SCUBE1: variants seen among roughly 807,000 people sequenced by gnomAD.
The protein encoded by SCUBE1 is signal peptide, CUB domain and EGF like domain containing 1.
In SCUBE1, 59 loss-of-function variants were observed where a neutral mutation model predicts 124.4. The ratio of observed to expected loss-of-function variants is 0.47; its 90% CI spans 0.38 to 0.59. The LOEUF (loss-of-function observed/expected upper bound fraction) is 0.59, where lower values mean the gene tolerates loss of function less well. Among genes scored for constraint, SCUBE1 ranks in the 20% least tolerant of loss-of-function variants. The pLI, the probability that SCUBE1 is intolerant of heterozygous loss-of-function variation, is 0.00. For synonymous variants in SCUBE1, 545 were observed against 550.9 expected, an observed-to-expected ratio of 0.99 and a Z score of 0.15; for missense variants, 1,150 against 1,371.2, an observed-to-expected ratio of 0.84 and a Z score of 2.55.
chr22:43,202,581 C>G lies in SCUBE1; in HGVS notation c.*1416G>C, dbSNP rs1220538567. 6.6e-6 allele frequency: 1 copy of G among 151,576 alleles called. No homozygotes were observed. Among genetic ancestry groups the G allele is most frequent in the Non-Finnish European group, 1.5e-5 (1 of 68,064 alleles). 9.4% of individuals were successfully genotyped at this position (151,576 alleles called of 1,614,324 possible). On this transcript the variant is annotated 3_prime_UTR_variant, in exon 22 of 22. Coordinates refer to ENST00000360835, the MANE Select transcript of SCUBE1 (RefSeq NM_173050.5). ...TGGGACACATGCACTCGGTCACAGC[C>G]CAGACTCTCTTTCTCCCGACATTTC... is the stretch of plus-strand genomic sequence containing the variant.
At position 43,203,225 on chromosome 22, in the gene SCUBE1, C is replaced by G. The variant is rs893968386; in HGVS notation, c.*772G>C. 6.6e-6 allele frequency: 1 copy of G among 152,142 alleles called. No homozygotes were observed. The highest frequency in any genetic ancestry group is 1.5e-5 in the Non-Finnish European group (1 of 68,042). 9.4% of individuals were successfully genotyped at this position (152,142 alleles called of 1,614,324 possible). ...AGAAACAGAAGGGCAAATGCAAATG[C>G]TGGGAGGAGCTGTTTAATCGTTCAG... On this transcript the variant is annotated 3_prime_UTR_variant, in exon 22 of 22. Coordinates refer to ENST00000360835, the MANE Select transcript of SCUBE1 (RefSeq NM_173050.5).
At chr22:43,217,447 G>A (rs66751502) in intron 15 of SCUBE1, among the ~76,000 whole-genome samples, 6 of 151,454 alleles carry the variant, frequency 4.0e-5, no homozygotes, top group Non-Finnish European at 7.4e-5. Context: ...CCTTGGAGTC[G>A]TCCTTGAAGT....
intron 4 of SCUBE1, among the ~76,000 whole-genome samples, chr22:43,279,521 G>C (rs557319475): frequency 2.6e-5 from 4 of 152,250 alleles, no homozygotes; most frequent in Non-Finnish European, 5.9e-5. Context: ...ACCAGACAGT[G>C]AATCTGCCAG....
intron 4 of SCUBE1, among the ~76,000 whole-genome samples, chr22:43,277,304 G>A (rs565018079): frequency 1.1e-4 from 16 of 152,220 alleles, no homozygotes; most frequent in South Asian, 4.1e-4. Context: ...AGGAGCCATG[G>A]GAAGGTCTTG....
rs1218451974 is a variant in SCUBE1 at position 43,255,659 on chromosome 22, G to A, written c.727+2560C>T. ...CGCGGCCCAAGACAGTCAGCCTCTC[G>A]GCGTGGCGCACGCAAAGCCAACACA... On this transcript the variant is annotated intron_variant, in intron 6 of 21. Transcript: ENST00000360835. The surrounding 1 kb of genome is among the most constrained non-coding windows in gnomAD (Gnocchi z 4.7). 14 of 1,231,266 alleles carry A rather than the reference G, an allele frequency of 1.1e-5. No individual in the cohort carries two copies. Among genetic ancestry groups the A allele is most frequent in the South Asian group, 6.4e-5 (5 of 77,742 alleles). The allele number at this position is 1,231,266 out of a possible 1,614,324, so 76.3% of individuals were successfully genotyped here. A position where few individuals can be genotyped will look rare whatever the true frequency, so the allele number is the denominator to read the frequency against.
At position 43,203,410 on chromosome 22, in the gene SCUBE1, A is replaced by T. The variant is rs1052502821; in HGVS notation, c.*587T>A. 5.3e-5 allele frequency: 8 copies of T among 150,246 alleles called. No homozygotes were observed. In the East Asian group the frequency reaches 1.6e-3, roughly 29 times the overall value. 9.3% of individuals were successfully genotyped at this position (150,246 alleles called of 1,614,324 possible). ...TTTATATATATATATAGAGTACTTC[A>T]TTAAATGTTCTGTTGAAGGAATGCA... On this transcript the variant is annotated 3_prime_UTR_variant, in exon 22 of 22. Coordinates refer to ENST00000360835, the MANE Select transcript of SCUBE1 (RefSeq NM_173050.5).
Position 43,319,945 on chromosome 22 carries a change from T to C in SCUBE1, c.341A>G (p.Asn114Ser). The change falls in exon 3 of 22, where the codon AAC becomes AGC. Residue 114 changes from asparagine (N) to serine (S), a missense_variant. Around this residue, in one of 3 missense-constraint regions of SCUBE1, gnomAD observed 337 missense variants for 482.1 expected, o/e 0.70. Coordinates refer to ENST00000360835, the MANE Select transcript of SCUBE1 (RefSeq NM_173050.5). ...DGFMLAHDGHNCLDVDECQDN... is the reference protein window; with the variant it reads ...DGFMLAHDGHSCLDVDECQDN... ...ACAGCTGTATCACTCACCCAGGCAG[T>C]TGTGTCCATCGTGTGCCAGCATGAA... 4 of 1,614,140 alleles carry C rather than the reference T, an allele frequency of 2.5e-6. No homozygotes were observed. The highest frequency in any genetic ancestry group is 2.2e-5 in the East Asian group (1 of 44,882).
intron 4 of SCUBE1, among the ~76,000 whole-genome samples, chr22:43,264,953 G>A (rs1429310155): frequency 2.0e-5 from 3 of 152,204 alleles, no homozygotes; most frequent in Non-Finnish European, 2.9e-5. Flanking sequence ...TCCTATGGCC[G>A]GCACAGGAGA....
chr22:43,251,810 A>G (rs1923460723), intron 6 of SCUBE1, among the ~76,000 whole-genome samples: 2 of 152,208 alleles, frequency 1.3e-5, no homozygotes, highest in South Asian at 4.1e-4. Context: ...GGAATCTGTT[A>G]GCAGCAGCAA....
At chr22:43,229,661 A>C (rs1436878510) in intron 8 of SCUBE1, among the ~76,000 whole-genome samples, 1 of 152,202 alleles carries the variant, frequency 6.6e-6, no homozygotes, top group Non-Finnish European at 1.5e-5. Context: ...TCTTGAGAAA[A>C]TAAGGAAAAC....
In SCUBE1 at chr22:43,319,918, C is replaced by T; in HGVS notation, c.349+19G>A. On this transcript the variant is annotated intron_variant, in intron 3 of 21. Coordinates refer to ENST00000360835, the MANE Select transcript of SCUBE1 (RefSeq NM_173050.5). ...AGGCAGGGTGTGCCCAGAGGGTAGG[C>T]TACAGCTGTATCACTCACCCAGGCA... 1 of 1,613,566 alleles carries T rather than the reference C, an allele frequency of 6.2e-7. No homozygotes were observed. The highest frequency in any genetic ancestry group is 8.5e-7 in the Non-Finnish European group (1 of 1,179,696).
intron 7 of SCUBE1, chr22:43,238,430 C>CGTG (rs1922857086): frequency 2.0e-6 from 1 of 493,558 alleles, no homozygotes; most frequent in Admixed American, 3.5e-5. Flanking sequence ...CTCTGCAAGA[C>CGTG]CCACTGCAAC....
chr22:43,231,007 C>T (rs1922529259), intron 8 of SCUBE1, among the ~76,000 whole-genome samples: 1 of 152,174 alleles, frequency 6.6e-6, no homozygotes, highest in Non-Finnish European at 1.5e-5. Context: ...GGAAAGACAG[C>T]CCCTGCCCTG....
At chr22:43,297,167 C>G (rs1048149537) in intron 3 of SCUBE1, among the ~76,000 whole-genome samples, 22 of 152,380 alleles carry the variant, frequency 1.4e-4, no homozygotes, top group African/African-American at 5.3e-4. Context: ...AGGCTGCTGA[C>G]TTTTTCCACG....
Position 43,201,321 on chromosome 22 carries a change from A to G in SCUBE1, c.*2676T>C, listed in dbSNP as rs1302605898. Reference sequence around the variant, plus strand: ...TCCATCTCAAAAAAAAAAAAAAAAAAAAAAAAGAAAACAAAAAAAGAAAAC... The same window carrying G: ...TCCATCTCAAAAAAAAAAAAAAAAAGAAAAAAGAAAACAAAAAAAGAAAAC... On this transcript the variant is annotated 3_prime_UTR_variant, in exon 22 of 22. Coordinates refer to ENST00000360835, the MANE Select transcript of SCUBE1 (RefSeq NM_173050.5). 2 of 148,268 alleles carry G rather than the reference A, an allele frequency of 1.3e-5. No individual in the cohort carries two copies. The highest frequency in any genetic ancestry group is 3.0e-5 in the Non-Finnish European group (2 of 67,612). The allele number at this position is 148,268 out of a possible 1,614,324, so 9.2% of individuals were successfully genotyped here.
intron 3 of SCUBE1, among the ~76,000 whole-genome samples, chr22:43,309,151 A>AT (rs1399894694): frequency 6.6e-6 from 1 of 152,152 alleles, no homozygotes; most frequent in Non-Finnish European, 1.5e-5. Context: ...AGGTATATCC[A>AT]TTTTCCCTAA....
chr22:43,319,361 T>C (rs1926461773), intron 3 of SCUBE1, among the ~76,000 whole-genome samples: 1 of 151,838 alleles, frequency 6.6e-6, no homozygotes, highest in Admixed American at 6.6e-5. Flanking sequence ...GGTCAGTAGC[T>C]CGAGACCAGC....
chr22:43,306,681 C>T (rs117978708), intron 3 of SCUBE1, among the ~76,000 whole-genome samples: 6 of 152,180 alleles, frequency 3.9e-5, no homozygotes, highest in African/African-American at 7.2e-5. Flanking sequence ...CCTTCCTTCA[C>T]GTACACCCTT....
At chr22:43,214,898 C>A (rs11912292) in intron 15 of SCUBE1, among the ~76,000 whole-genome samples, 1 of 151,794 alleles carries the variant, frequency 6.6e-6, no homozygotes, top group Non-Finnish European at 1.5e-5. Flanking sequence ...CTTACAAATG[C>A]GGAAATGGGG....
Sources: allele counts gnomAD v4.1 joint callset (sites outside exome capture counted in the v4.1 genomes callset), GRCh38; gene constraint gnomAD v4.1.1; regional missense constraint gnomAD v4.1.1; non-coding constraint Gnocchi (gnomAD v3.1); transcripts MANE v1.5; gene names NCBI Gene and HGNC (gene_info 2026-07-23, HGNC 2026-07-21).